Variants in EYS observed in about 807,000 individuals in gnomAD.
The protein encoded by EYS is EGF-like photoreceptor maintenance factor.
In EYS, 250 loss-of-function variants were observed where a neutral mutation model predicts 282.1. The ratio of observed to expected loss-of-function variants is 0.89; its 90% CI spans 0.80 to 0.98. The LOEUF (loss-of-function observed/expected upper bound fraction) is 0.98. Ranked by LOEUF, EYS falls within the 50% of genes least tolerant of loss-of-function variation. EYS has a pLI of 0.00. For synonymous variants in EYS, 1,355 were observed against 1,282.9 expected (o/e 1.06, Z -1.20); for missense variants, 4,016 against 3,709.0 (o/e 1.08, Z -2.15).
At chr6:64,130,617 A>G (rs541513329) in intron 31 of EYS, among the ~76,000 whole-genome samples, 2 of 150,328 alleles carry the variant, frequency 1.3e-5, no homozygotes, top group South Asian at 2.1e-4. Context: ...CCTAAAACTT[A>G]AAGTATAATT....
chr6:63,815,123 A>T (rs1771146017), intron 36 of EYS, among the ~76,000 whole-genome samples: 1 of 152,198 alleles, frequency 6.6e-6, no homozygotes, highest in African/African-American at 2.4e-5. Context: ...ATTTTTCAAG[A>T]TATGGCTGTT....
chr6:63,886,317 T>C (rs1166448831), intron 35 of EYS, among the ~76,000 whole-genome samples: 4 of 152,212 alleles, frequency 2.6e-5, no homozygotes, highest in Non-Finnish European at 5.9e-5. Flanking sequence ...TTTTAAGATA[T>C]ATTGTCTACA....
intron 26 of EYS, among the ~76,000 whole-genome samples, chr6:64,473,006 G>A (rs1305105621): frequency 6.6e-6 from 1 of 152,038 alleles, no homozygotes. Flanking sequence ...CTAATTTTCA[G>A]CTTTGATCTT....
chr6:65,327,208 C>A (rs1029297486), intron 11 of EYS, among the ~76,000 whole-genome samples: 12 of 151,546 alleles, frequency 7.9e-5, no homozygotes, highest in Non-Finnish European at 1.6e-4. Context: ...GTAGTTCCAG[C>A]CTTGTTCTCA....
intron 14 of EYS, among the ~76,000 whole-genome samples, chr6:64,989,408 T>TATATATATATATATATAC (rs1770974177): frequency 8.1e-6 from 1 of 123,938 alleles, no homozygotes; most frequent in African/African-American, 3.3e-5. Context: ...TATATATATA[T>TATATATATATATATATAC]ATATATATGA....
At chr6:65,200,871 G>A (rs1765883022) in intron 12 of EYS, among the ~76,000 whole-genome samples, 1 of 151,844 alleles carries the variant, frequency 6.6e-6, no homozygotes, top group Admixed American at 6.6e-5. Context: ...GAAAAATTAG[G>A]GAATAGAAAC....
At chr6:64,435,424 ACTT>A (rs201593938) in intron 28 of EYS, among the ~76,000 whole-genome samples, 66 of 145,052 alleles carry the variant, frequency 4.6e-4, no homozygotes, top group African/African-American at 1.5e-3. Context: ...TCTGTTTAGG[ACTT>A]CTTCTTCTTC....
At chr6:64,082,767 A>C (rs1363639453) in intron 31 of EYS, among the ~76,000 whole-genome samples, 2 of 152,170 alleles carry the variant, frequency 1.3e-5, no homozygotes, top group Non-Finnish European at 2.9e-5. Context: ...ATCTTGGTGC[A>C]CATAAAATTT....
chr6:63,831,038 G>C (rs964217849), intron 36 of EYS, among the ~76,000 whole-genome samples: 2 of 152,180 alleles, frequency 1.3e-5, no homozygotes, highest in African/African-American at 4.8e-5. Flanking sequence ...TCACCACCAG[G>C]CCTGCCTTAC....
At chr6:64,272,410 A>C (rs1582516908) in intron 30 of EYS, among the ~76,000 whole-genome samples, 1 of 152,152 alleles carries the variant, frequency 6.6e-6, no homozygotes, top group Non-Finnish European at 1.5e-5. Flanking sequence ...AGTGGCTGGT[A>C]CTAGTTTTTC....
intron 31 of EYS, among the ~76,000 whole-genome samples, chr6:64,204,834 T>C (rs1242376427): frequency 2.0e-5 from 3 of 152,140 alleles, no homozygotes; most frequent in Non-Finnish European, 4.4e-5. Flanking sequence ...TTCATTCTTG[T>C]GAATTTTACC....
intron 24 of EYS, among the ~76,000 whole-genome samples, chr6:64,599,134 A>C (rs1263902340): frequency 1.3e-5 from 2 of 152,212 alleles, no homozygotes; most frequent in Non-Finnish European, 2.9e-5. Flanking sequence ...TTTGGAATTG[A>C]TTCTGAGAAT....
intron 22 of EYS, among the ~76,000 whole-genome samples, chr6:64,777,127 C>A (rs1354027067): frequency 1.3e-5 from 2 of 152,110 alleles, no homozygotes; most frequent in South Asian, 2.1e-4. Flanking sequence ...ATGGGGGGAA[C>A]CCCCATGATT....
At chr6:64,729,766 A>C (rs2149951167) in intron 22 of EYS, among the ~76,000 whole-genome samples, 1 of 152,314 alleles carries the variant, frequency 6.6e-6, no homozygotes, top group South Asian at 2.1e-4. Flanking sequence ...TTTTTTACAC[A>C]ATGTTATTAT....
chr6:63,799,076 C>T (rs368379279), intron 37 of EYS, among the ~76,000 whole-genome samples: 182 of 145,582 alleles, frequency 1.3e-3, no homozygotes, highest in African/African-American at 4.0e-3. Context: ...TGCAATGGCA[C>T]GATCTCAGCT....
intron 12 of EYS, among the ~76,000 whole-genome samples, chr6:65,223,908 T>A (rs1766544636): frequency 1.3e-5 from 2 of 152,158 alleles, no homozygotes; most frequent in South Asian, 4.1e-4. Context: ...TCACAATGGA[T>A]ACTAGGCTCT....
rs562834463 is a variant in EYS, at chr6:64,384,310, A to C, written c.6078+4380T>G. On this transcript the variant is annotated intron_variant, in intron 29 of 42. Transcript: ENST00000503581. Reference sequence around the variant, plus strand: ...TGTTAAACTTCTTTACTGTGTTGAAATTATAAACTAATTTGAAAATTAAGA... The same window carrying C: ...TGTTAAACTTCTTTACTGTGTTGAACTTATAAACTAATTTGAAAATTAAGA... Among the ~76,000 whole-genome samples the C allele has an allele frequency of 1.1e-4, 17 of 152,328 alleles. 1 individual carries two copies. The South Asian group carries it at 3.1e-3, about 28-fold the overall frequency.
intron 12 of EYS, among the ~76,000 whole-genome samples, chr6:65,265,985 T>C (rs1767743026): frequency 6.6e-6 from 1 of 151,930 alleles, no homozygotes; most frequent in Admixed American, 6.6e-5. Flanking sequence ...CATCTATTTC[T>C]TTAGGCCATC....
chr6:64,521,473 C>T (rs1004912216), intron 26 of EYS, among the ~76,000 whole-genome samples: 2 of 151,668 alleles, frequency 1.3e-5, no homozygotes, highest in African/African-American at 4.8e-5. Context: ...CACCATCTTG[C>T]TATCTCAGCT....
Sources: gnomAD v4.1 joint callset for allele counts (sites outside exome capture counted in the v4.1 genomes callset) on GRCh38, gnomAD v4.1.1 for gene constraint, MANE v1.5 for transcripts, NCBI Gene and HGNC (gene_info 2026-07-23, HGNC 2026-07-21) for gene names.